THOC1: variants seen among roughly 807,000 people sequenced by gnomAD.
THOC1 encodes the protein THO complex subunit 1.
A neutral mutation model predicts 97.3 loss-of-function variants in THOC1; 29 were observed. That is an observed-to-expected ratio of 0.30 (90% CI 0.22 to 0.41). THOC1 has a LOEUF of 0.41. Ranked by LOEUF, THOC1 falls within the 10% of genes least tolerant of loss-of-function variation. The pLI is 1.00. For missense variants in THOC1, 529 were observed against 761.9 expected, an observed-to-expected ratio of 0.69 and a Z score of 3.60; for synonymous variants, 255 against 257.0, an observed-to-expected ratio of 0.99 and a Z score of 0.07.
intron 11 of THOC1, among the ~76,000 whole-genome samples, chr18:238,260 C>CT (rs1555606687): frequency 7.2e-5 from 11 of 152,120 alleles, no homozygotes; most frequent in Admixed American, 7.2e-4. Flanking sequence ...CTCAGTGTCC[C>CT]TGCTGAGTTA....
intron 6 of THOC1, among the ~76,000 whole-genome samples, 163 bp from the exon 7 acceptor site, chr18:259,438 G>A (rs559306878): frequency 1.3e-5 from 2 of 152,020 alleles, no homozygotes; most frequent in African/African-American, 4.8e-5. Context: ...CTATAAATTA[G>A]GAACAAAACA....
intron 9 of THOC1, among the ~76,000 whole-genome samples, chr18:251,318 A>G (rs770347382): frequency 2.6e-5 from 4 of 152,232 alleles, no homozygotes; most frequent in Non-Finnish European, 5.9e-5. Flanking sequence ...GATGCCAGAA[A>G]TACATCTCCC....
chr18:236,979 C>T (rs117060127), intron 11 of THOC1, among the ~76,000 whole-genome samples: 319 of 151,200 alleles, frequency 2.1e-3, no homozygotes, highest in Non-Finnish European at 3.8e-3. Context: ...AATTGTGTGT[C>T]AGGGAGTAGG....
chr18:261,387 A>G lies in THOC1; in HGVS notation c.257-1083T>C, dbSNP rs114126264. Among the ~76,000 whole-genome samples, 222 of 152,346 alleles carry G rather than the reference A, an allele frequency of 1.5e-3. 1 individual carries two copies. Among genetic ancestry groups the G allele is most frequent in the African/African-American group, 5.2e-3 (217 of 41,576 alleles). On this transcript the variant is annotated intron_variant, in intron 4 of 20. Coordinates refer to ENST00000261600, the MANE Select transcript of THOC1 (RefSeq NM_005131.3). Reference sequence around the variant, plus strand: ...AATATACTATGTCCAGAAAAAAGGAAGAAATATTTCCAGCTGTACTCTGCA... The same window carrying G: ...AATATACTATGTCCAGAAAAAAGGAGGAAATATTTCCAGCTGTACTCTGCA...
At chr18:223,358 C>CT in intron 17 of THOC1, 82 bp downstream of exon 17, 1 of 1,116,188 alleles carries the variant, frequency 9.0e-7, no homozygotes, top group Non-Finnish European at 1.3e-6. Context: ...TTCATTTGAG[C>CT]TCTGATCATA....
intron 11 of THOC1, among the ~76,000 whole-genome samples, chr18:227,132 A>G (rs1375153359): frequency 6.6e-6 from 1 of 152,166 alleles, no homozygotes; most frequent in African/African-American, 2.4e-5. Flanking sequence ...TTGCTGGTGG[A>G]TAACAATGAT....
chr18:260,093 T>C (rs1021278794), intron 5 of THOC1, 93 bp downstream of exon 5: 3 of 760,150 alleles, frequency 3.9e-6, no homozygotes, highest in Non-Finnish European at 3.8e-6. Context: ...CATTCAGCAA[T>C]ACTACAAATA....
In THOC1 at chr18:236,254, G is replaced by A. The variant is rs192719682; in HGVS notation, c.919-9353C>T. Among the ~76,000 whole-genome samples the A allele has an allele frequency of 5.2e-4, 78 of 150,826 alleles. No homozygotes were observed. The Middle Eastern group carries it at 0.01, about 20-fold the overall frequency. Reference sequence around the variant, plus strand: ...AATTTTGTGTTCTTTTATTTTCCATGTAAGTTTTAAGCTTCTTAGGTCTGC... The same window carrying A: ...AATTTTGTGTTCTTTTATTTTCCATATAAGTTTTAAGCTTCTTAGGTCTGC... On this transcript the variant is annotated intron_variant, in intron 11 of 20. Transcript: ENST00000261600.
chr18:264,518 A>G (rs1912703282), intron 3 of THOC1, among the ~76,000 whole-genome samples: 1 of 152,230 alleles, frequency 6.6e-6, no homozygotes, highest in Non-Finnish European at 1.5e-5. Flanking sequence ...AATCATAATA[A>G]CCAGCATTTA....
At position 265,255 on chromosome 18, in the gene THOC1, G is replaced by T. The variant is rs188635314; in HGVS notation, c.189+48C>A. ...AAAAAAGCAATTTTTAAATAACATG[G>T]TTTATTAATTTGTCAGTAAAATTTT... On this transcript the variant is annotated intron_variant, in intron 3 of 20. Coordinates refer to ENST00000261600, the MANE Select transcript of THOC1 (RefSeq NM_005131.3). 937 of 1,447,896 alleles carry T rather than the reference G, an allele frequency of 6.5e-4. 4 individuals carry two copies. Among genetic ancestry groups the T allele is most frequent in the Middle Eastern group, 1.5e-3 (6 of 4,004 alleles). 89.7% of individuals were successfully genotyped at this position (1,447,896 alleles called of 1,614,324 possible).
At position 242,853 on chromosome 18, in the gene THOC1, C is replaced by T. The variant is rs192179161; in HGVS notation, c.918+3471G>A. Among the ~76,000 whole-genome samples, 28 of 152,296 alleles carry T rather than the reference C, an allele frequency of 1.8e-4. No individual in the cohort carries two copies. The highest frequency in any genetic ancestry group is 6.3e-4 in the African/African-American group (26 of 41,570). On this transcript the variant is annotated intron_variant, in intron 11 of 20. Coordinates refer to ENST00000261600, the MANE Select transcript of THOC1 (RefSeq NM_005131.3). This position sits in a 1 kb window ranked among gnomAD's most constrained non-coding sequence, Gnocchi z 4.5. ...AAGGCCTTTTTGGGAATCCTAGTATCAAAACACCATGTAAGGTACAGAGAT... is the reference window on the plus strand; with the variant it reads ...AAGGCCTTTTTGGGAATCCTAGTATTAAAACACCATGTAAGGTACAGAGAT...
At chr18:234,401 T>C (rs1368793576) in intron 11 of THOC1, among the ~76,000 whole-genome samples, 1 of 152,234 alleles carries the variant, frequency 6.6e-6, no homozygotes, top group African/African-American at 2.4e-5. Context: ...TAATTGTGTA[T>C]GATGTTTGCA....
In THOC1 at chr18:264,492, T is replaced by C. The variant is rs959999408; in HGVS notation, c.190-400A>G. 2.0e-5 allele frequency among the ~76,000 whole-genome samples: 3 copies of C among 152,210 alleles called. No homozygotes were observed. In the South Asian group the frequency reaches 6.2e-4, roughly 32 times the overall value. ...GGTGGTTTTAATAGAAGGAAGACAG[T>C]GCTTAGGTTCTATAAAATCATAATA... is the stretch of plus-strand genomic sequence containing the variant. On this transcript the variant is annotated intron_variant, in intron 3 of 20. Transcript: ENST00000261600.
At chr18:239,488 TACAG>T (rs2143224859) in intron 11 of THOC1, among the ~76,000 whole-genome samples, 1 of 152,212 alleles carries the variant, frequency 6.6e-6, no homozygotes, top group South Asian at 2.1e-4. Context: ...GTATTTTTAG[TACAG>T]ACAGAGTTTC....
chr18:222,837 T>C (rs562813536), intron 17 of THOC1, among the ~76,000 whole-genome samples: 2 of 152,200 alleles, frequency 1.3e-5, no homozygotes, highest in Non-Finnish European at 2.9e-5. Context: ...ATTTATTTGG[T>C]TTATCCTCCT....
intron 4 of THOC1, chr18:263,641 G>C (rs563201787): frequency 6.3e-6 from 1 of 157,560 alleles, no homozygotes. Context: ...TTCCCACTTC[G>C]ACCATAGTAC....
At chr18:215,726 CCA>C (rs1910858435) in intron 19 of THOC1, 1 of 471,876 alleles carries the variant, frequency 2.1e-6, no homozygotes, top group East Asian at 3.6e-5. Context: ...GAAAGACTCC[CCA>C]CCCCCAATCT....
intron 11 of THOC1, among the ~76,000 whole-genome samples, chr18:240,611 A>G (rs1000991007): frequency 2.6e-5 from 4 of 152,176 alleles, no homozygotes; most frequent in African/African-American, 9.6e-5. Flanking sequence ...GCTAAGACTG[A>G]CATGACTGTC....
At position 224,781 on chromosome 18, in the gene THOC1, T is replaced by TA. The variant is rs1911220186; in HGVS notation, c.1208+142dup. ...AGGTAAATCAAAGTGGTTGTACTCTTACAAAGTTCAACTTACATTTTTTAT... is the reference window on the plus strand; with the variant it reads ...AGGTAAATCAAAGTGGTTGTACTCTTAACAAAGTTCAACTTACATTTTTTAT... On this transcript the variant is annotated intron_variant, in intron 15 of 20. Transcript: ENST00000261600. 1.4e-5 allele frequency: 10 copies of TA among 692,498 alleles called. No homozygotes were observed. In the South Asian group the frequency reaches 2.0e-4, roughly 14 times the overall value. 42.9% of individuals were successfully genotyped at this position (692,498 alleles called of 1,614,324 possible).
Sources: allele counts gnomAD v4.1 joint callset (sites outside exome capture counted in the v4.1 genomes callset), GRCh38; gene constraint gnomAD v4.1.1; non-coding constraint Gnocchi (gnomAD v3.1); transcripts MANE v1.5; gene names NCBI Gene and HGNC (gene_info 2026-07-23, HGNC 2026-07-21).